Variants in WDHD1 observed in about 807,000 individuals in gnomAD.
WDHD1 encodes the protein WD repeat and HMG-box DNA binding protein 1.
A neutral mutation model predicts 135.4 loss-of-function variants in WDHD1; 111 were observed. The ratio of observed to expected loss-of-function variants is 0.82; its 90% CI spans 0.70 to 0.96. The LOEUF (loss-of-function observed/expected upper bound fraction) is 0.96. Ranked by LOEUF, WDHD1 falls within the 40% of genes least tolerant of loss-of-function variation. The pLI is 0.00. For synonymous variants in WDHD1, 434 were observed against 439.0 expected (o/e 0.99, Z 0.14); for missense variants, 1,351 against 1,336.3 (o/e 1.01, Z -0.17).
intron 15 of WDHD1, among the ~76,000 whole-genome samples, chr14:54,982,301 G>A (rs1255559616): frequency 2.0e-5 from 3 of 152,172 alleles, no homozygotes; most frequent in Admixed American, 6.5e-5. Context: ...GAGCCACCGC[G>A]CCCGGCCGAT....
intron 24 of WDHD1, 146 bp from the exon 25 acceptor site, chr14:54,944,616 C>CTTTTTT (rs780376690): frequency 1.1e-5 from 3 of 269,508 alleles, no homozygotes; most frequent in African/African-American, 2.9e-5. Context: ...ATTCATGTTA[C>CTTTTTT]TTTTTTTTTT....
At chr14:55,020,339 T>G (rs1368497981) in intron 2 of WDHD1, among the ~76,000 whole-genome samples, 2 of 152,184 alleles carry the variant, frequency 1.3e-5, no homozygotes, top group Non-Finnish European at 2.9e-5. Context: ...TAATGGTGAA[T>G]TCTCAGTCTT....
chr14:55,008,853 T>C (rs2042117424), intron 4 of WDHD1, 134 bp from the exon 5 acceptor site: 1 of 637,374 alleles, frequency 1.6e-6, no homozygotes, highest in Non-Finnish European at 2.5e-6. Flanking sequence ...CAGGCTGGAG[T>C]GCAGTGGTGC....
chr14:54,947,248 A>T (rs980507020), intron 24 of WDHD1, among the ~76,000 whole-genome samples: 19 of 152,254 alleles, frequency 1.2e-4, no homozygotes, highest in African/African-American at 4.6e-4. Flanking sequence ...CTGAGACAGG[A>T]GAATCACTTG....
At chr14:54,948,579 G>A (rs1304165501) in intron 24 of WDHD1, among the ~76,000 whole-genome samples, 1 of 152,194 alleles carries the variant, frequency 6.6e-6, no homozygotes, top group East Asian at 1.9e-4. Context: ...TGGGGGCAGG[G>A]CATAGCCGAA....
At chr14:55,011,952 A>G (rs569062409) in intron 3 of WDHD1, among the ~76,000 whole-genome samples, 1 of 152,220 alleles carries the variant, frequency 6.6e-6, no homozygotes, top group African/African-American at 2.4e-5. Flanking sequence ...AATAGCCAGA[A>G]ATGACTGTGT....
chr14:54,974,998 T>C (rs1409010185), intron 16 of WDHD1, among the ~76,000 whole-genome samples: 2 of 152,208 alleles, frequency 1.3e-5, no homozygotes, highest in Non-Finnish European at 2.9e-5. Flanking sequence ...GCATAATGAC[T>C]TTACAAGCCT....
chr14:55,014,855 C>T (rs1298658299), intron 2 of WDHD1, among the ~76,000 whole-genome samples: 2 of 151,826 alleles, frequency 1.3e-5, no homozygotes, highest in African/African-American at 2.4e-5. Context: ...AGTCAAAGAA[C>T]AAGCAGGACT....
chr14:54,966,673 T>C, intron 17 of WDHD1, 67 bp from the exon 18 acceptor site: 4 of 1,453,304 alleles, frequency 2.8e-6, no homozygotes, highest in Non-Finnish European at 3.7e-6. Context: ...GTTAAATATT[T>C]ATCTTAAGAT....
intron 16 of WDHD1, among the ~76,000 whole-genome samples, chr14:54,974,643 T>C (rs1434697855): frequency 6.6e-6 from 1 of 151,936 alleles, no homozygotes; most frequent in Non-Finnish European, 1.5e-5. Flanking sequence ...CTGGGCAACC[T>C]GGCGAAACAC....
intron 24 of WDHD1, among the ~76,000 whole-genome samples, chr14:54,950,850 A>G (rs1419464084): frequency 6.6e-6 from 1 of 152,214 alleles, no homozygotes; most frequent in East Asian, 1.9e-4. Flanking sequence ...AACTCACCCA[A>G]AACTGCTCAA....
At chr14:55,013,682 G>T in intron 2 of WDHD1, 86 bp from the exon 3 acceptor site, 1 of 998,596 alleles carries the variant, frequency 1.0e-6, no homozygotes, top group Non-Finnish European at 1.6e-6. Context: ...AAGGTGGGAG[G>T]ATTGCTTGAG....
rs972177496 is a variant in WDHD1 at position 54,939,699 on chromosome 14, C to G, written c.*1791G>C. 4.0e-5 allele frequency: 6 copies of G among 151,530 alleles called. No homozygotes were observed. The highest frequency in any genetic ancestry group is 1.5e-5 in the Non-Finnish European group (1 of 67,922). The allele number at this position is 151,530 out of a possible 1,614,324, so 9.4% of individuals were successfully genotyped here. On this transcript the variant is annotated 3_prime_UTR_variant, in exon 26 of 26. Transcript: ENST00000360586. ...ATTTGTAAGTTAAACCAAGTCAATA[C>G]AAAAACCTTCCTTCAGCCAAAAAAA... is the stretch of plus-strand genomic sequence containing the variant.
In WDHD1 at chr14:54,967,350, C is replaced by G. The variant is rs756117541; in HGVS notation, c.2108G>C (p.Arg703Pro). The G allele has an allele frequency of 6.2e-7, 1 of 1,612,020 alleles. No homozygotes were observed. ...AAAGGATAATATAGCAACAGCAGGG[C>G]GTGGAAGGGTTGGGGGAAACCGAGA... ...KGSRFPPTLP[R>P]PAVAILSFKL... The change falls in exon 17 of 26, where the codon CGC becomes CCC. Residue 703 changes from arginine (R) to proline (P), a missense_variant. Physicochemically the swap from Arg to Pro is moderately radical, Grantham distance 103 (BLOSUM62 -2). Around this residue, in one of 2 missense-constraint regions of WDHD1, gnomAD observed 1,330 missense variants for 1,296.1 expected, o/e 1.03. Transcript: ENST00000360586.
chr14:54,952,612 T>A (rs2041078233), intron 24 of WDHD1, among the ~76,000 whole-genome samples: 1 of 152,336 alleles, frequency 6.6e-6, no homozygotes, highest in South Asian at 2.1e-4. Context: ...AAGCTATCAA[T>A]GACTTTCTTC....
intron 18 of WDHD1, among the ~76,000 whole-genome samples, chr14:54,964,309 C>A (rs2041305903): frequency 6.6e-6 from 1 of 152,004 alleles, no homozygotes; most frequent in African/African-American, 2.4e-5. Context: ...ATCAGTACTT[C>A]TTAATCGGGA....
chr14:54,991,335 T>C lies in WDHD1; in HGVS notation c.1219A>G (p.Ser407Gly). ...GTTACAAGTGGTAGATTGTGAATGCTGCCTTCTTGACCATCTTCCTCCTCC... is the reference window on the plus strand; with the variant it reads ...GTTACAAGTGGTAGATTGTGAATGCCGCCTTCTTGACCATCTTCCTCCTCC... ...KEEEEDGQEG[S>G]IHNLPLVTSQ... is the part of the protein sequence containing the mutation. The change falls in exon 12 of 26, where the codon AGC becomes GGC. Residue 407 changes from serine (S) to glycine (G), a missense_variant. Around this residue, in one of 2 missense-constraint regions of WDHD1, gnomAD observed 1,330 missense variants for 1,296.1 expected, o/e 1.03. Coordinates refer to ENST00000360586, the MANE Select transcript of WDHD1 (RefSeq NM_007086.4). 6.2e-7 allele frequency: 1 copy of C among 1,614,220 alleles called. No individual in the cohort carries two copies.
chr14:55,005,563 T>C (rs1430948710), intron 7 of WDHD1: 3 of 600,272 alleles, frequency 5.0e-6, no homozygotes, highest in South Asian at 1.4e-5. Context: ...TGCCAACACT[T>C]TTCCTTTTAT....
intron 2 of WDHD1, among the ~76,000 whole-genome samples, chr14:55,020,857 A>G (rs1393504024): frequency 6.6e-6 from 1 of 152,260 alleles, no homozygotes; most frequent in Non-Finnish European, 1.5e-5. Flanking sequence ...CTGTATCTGT[A>G]CAATACAGCA....
Sources: gnomAD v4.1 joint callset for allele counts (sites outside exome capture counted in the v4.1 genomes callset) on GRCh38, gnomAD v4.1.1 for gene constraint, gnomAD v4.1.1 regional missense constraint, MANE v1.5 for transcripts, NCBI Gene and HGNC (gene_info 2026-07-23, HGNC 2026-07-21) for gene names.